Variants in GPC5 observed in about 807,000 individuals in gnomAD.
GPC5 encodes the protein glypican-5.
GPC5 carries 47 observed loss-of-function variants against 53.9 expected under a neutral mutation model. That is an observed-to-expected ratio of 0.87 (90% CI 0.69 to 1.11). The LOEUF (loss-of-function observed/expected upper bound fraction) is 1.11, where lower values mean the gene tolerates loss of function less well. Among genes scored for constraint, GPC5 ranks in the 50% most tolerant of loss-of-function variants. GPC5 has a pLI of 0.00. For missense variants in GPC5, 748 were observed against 713.1 expected (o/e 1.05, Z -0.56); for synonymous variants, 286 against 263.3 (o/e 1.09, Z -0.84).
chr13:91,554,888 C>T (rs1488711674), intron 2 of GPC5, among the ~76,000 whole-genome samples: 1 of 152,072 alleles, frequency 6.6e-6, no homozygotes, highest in Admixed American at 6.6e-5. Flanking sequence ...ATCCTCTTCA[C>T]TTATCTTCTC....
chr13:91,543,253 A>T (rs2030068410), intron 2 of GPC5, among the ~76,000 whole-genome samples: 1 of 152,078 alleles, frequency 6.6e-6, no homozygotes, highest in African/African-American at 2.4e-5. Flanking sequence ...TTGGCCTCCC[A>T]AAGTTCTGGG....
chr13:91,813,441 A>C (rs1216734950), intron 5 of GPC5, among the ~76,000 whole-genome samples: 1 of 152,214 alleles, frequency 6.6e-6, no homozygotes, highest in African/African-American at 2.4e-5. Flanking sequence ...CAAGTCTCAA[A>C]TTCTTGTTTA....
chr13:92,403,785 C>A (rs570384988), intron 7 of GPC5, among the ~76,000 whole-genome samples: 23 of 152,216 alleles, frequency 1.5e-4, no homozygotes, highest in African/African-American at 5.5e-4. Flanking sequence ...AATACAAATG[C>A]TAATAGAGAT....
intron 2 of GPC5, among the ~76,000 whole-genome samples, chr13:91,479,762 C>T (rs528557955): frequency 6.6e-6 from 1 of 151,936 alleles, no homozygotes; most frequent in Non-Finnish European, 1.5e-5. Context: ...TTCAGCATAC[C>T]TACCAATACT....
chr13:92,294,659 C>T (rs71432007), intron 7 of GPC5, among the ~76,000 whole-genome samples: 13,006 of 151,846 alleles, frequency 0.086, 620 homozygotes, highest in Middle Eastern at 0.12. Flanking sequence ...CCAGCTATTT[C>T]GTTTCATTTA....
intron 2 of GPC5, among the ~76,000 whole-genome samples, chr13:91,668,750 A>G (rs2035176820): frequency 6.6e-6 from 1 of 152,198 alleles, no homozygotes; most frequent in African/African-American, 2.4e-5. Flanking sequence ...TTAATCATTA[A>G]CTTATTGTTT....
At chr13:92,072,077 A>G (rs2041216208) in intron 6 of GPC5, among the ~76,000 whole-genome samples, 1 of 146,166 alleles carries the variant, frequency 6.8e-6, no homozygotes, top group East Asian at 2.0e-4. Context: ...ATATATAAAA[A>G]TATATAATTA....
At chr13:91,704,276 AT>A (rs1284740372) in intron 3 of GPC5, among the ~76,000 whole-genome samples, 56 of 152,306 alleles carry the variant, frequency 3.7e-4, no homozygotes, top group African/African-American at 4.8e-5. Flanking sequence ...CAGTTTTGAC[AT>A]AAAGTCTATT....
chr13:92,244,401 T>A (rs2042635518), intron 7 of GPC5, among the ~76,000 whole-genome samples: 1 of 152,146 alleles, frequency 6.6e-6, no homozygotes, highest in Non-Finnish European at 1.5e-5. Context: ...ATTACCTAAG[T>A]TTCAGCAAAC....
At position 92,514,452 on chromosome 13, in the gene GPC5, A is replaced by G. The variant is rs186659281; in HGVS notation, c.1562-351830A>G. On this transcript the variant is annotated intron_variant, in intron 7 of 7. Transcript: ENST00000377067. Reference sequence around the variant, plus strand: ...CAGAAAATTTGGTACAAGGAAAACCACAGAAAGAACTACTACTTTTTCCAC... The same window carrying G: ...CAGAAAATTTGGTACAAGGAAAACCGCAGAAAGAACTACTACTTTTTCCAC... Among the ~76,000 whole-genome samples the G allele has an allele frequency of 2.4e-3, 369 of 152,274 alleles. 1 individual carries two copies. The highest frequency in any genetic ancestry group is 0.01 in the Middle Eastern group (3 of 294).
At chr13:92,747,499 T>A (rs1388671293) in intron 7 of GPC5, among the ~76,000 whole-genome samples, 2 of 152,126 alleles carry the variant, frequency 1.3e-5, no homozygotes, top group African/African-American at 4.8e-5. Context: ...TGGAAAATAA[T>A]AAGCAAGTCA....
intron 7 of GPC5, among the ~76,000 whole-genome samples, chr13:92,747,757 C>T (rs1197210604): frequency 2.0e-5 from 3 of 152,186 alleles, no homozygotes; most frequent in Non-Finnish European, 4.4e-5. Context: ...ATGCTTCTGA[C>T]TTTAATGAGC....
intron 7 of GPC5, among the ~76,000 whole-genome samples, chr13:92,613,349 TAA>T (rs1329041926): frequency 9.9e-6 from 1 of 101,508 alleles, no homozygotes; most frequent in Non-Finnish European, 1.8e-5. Context: ...TATTTATATA[TAA>T]ATATATAATA....
chr13:91,956,089 C>T (rs1488577649), intron 6 of GPC5, among the ~76,000 whole-genome samples: 1 of 152,118 alleles, frequency 6.6e-6, no homozygotes, highest in Non-Finnish European at 1.5e-5. Context: ...AGAATCACCT[C>T]CCCAGTGCCT....
intron 6 of GPC5, among the ~76,000 whole-genome samples, chr13:92,058,464 C>T (rs1387845743): frequency 6.6e-6 from 1 of 152,206 alleles, no homozygotes; most frequent in Non-Finnish European, 1.5e-5. Context: ...CATCCCACAC[C>T]AGAGTGGTAC....
intron 2 of GPC5, among the ~76,000 whole-genome samples, chr13:91,595,251 T>A (rs2032953856): frequency 6.6e-6 from 1 of 152,014 alleles, no homozygotes; most frequent in Non-Finnish European, 1.5e-5. Flanking sequence ...TCTCTTGGTG[T>A]GATCCACCTG....
In GPC5 at chr13:91,693,776, A is replaced by G; in HGVS notation, c.915A>G (p.Ala305=). Residue 305 remains alanine (A), a synonymous_variant, in exon 3 of 8, where the codon GCA becomes GCG. Transcript: ENST00000377067. ...GGTCGTTGGAAGAACTCTCGGATGC[A>G]ATGCATGGAACATACGACATTGGAC... The part of the protein sequence containing the change: ...YIRSLEELSD[A]MHGTYDIGHV... 6.2e-7 allele frequency: 1 copy of G among 1,614,114 alleles called. No individual in the cohort carries two copies. The highest frequency in any genetic ancestry group is 8.5e-7 in the Non-Finnish European group (1 of 1,180,010).
chr13:92,567,947 A>G (rs1882911028), intron 7 of GPC5, among the ~76,000 whole-genome samples: 1 of 152,216 alleles, frequency 6.6e-6, no homozygotes, highest in Admixed American at 6.6e-5. Flanking sequence ...ATAATGAAAG[A>G]AAGAAAAAGT....
chr13:92,503,651 C>T (rs1274492797), intron 7 of GPC5, among the ~76,000 whole-genome samples: 5 of 151,678 alleles, frequency 3.3e-5, no homozygotes, highest in African/African-American at 7.2e-5. Context: ...TTATCTTTAT[C>T]GATACCCAAT....
Sources: allele counts gnomAD v4.1 joint callset (sites outside exome capture counted in the v4.1 genomes callset), GRCh38; gene constraint gnomAD v4.1.1; transcripts MANE v1.5; gene names NCBI Gene and HGNC (gene_info 2026-07-23, HGNC 2026-07-21).